The following PHACTR1 variants were observed in gnomAD, a reference collection of about 807,000 sequenced individuals.
PHACTR1 encodes the protein RPEL repeat containing 1.
A neutral mutation model predicts 69.2 loss-of-function variants in PHACTR1; 16 were observed. The observed-to-expected ratio is 0.23, with a 90% CI of 0.16 to 0.35. PHACTR1 has a LOEUF of 0.35. PHACTR1 is among the 10% of genes least tolerant of loss of function. PHACTR1 has a pLI of 1.00. For synonymous variants in PHACTR1, 312 were observed against 284.5 expected (o/e 1.10, Z -0.97); for missense variants, 510 against 734.7 (o/e 0.69, Z 3.54).
At chr6:12,919,492 C>T (rs542425373) in intron 4 of PHACTR1, among the ~76,000 whole-genome samples, 1 of 152,314 alleles carries the variant, frequency 6.6e-6, no homozygotes, top group East Asian at 1.9e-4. Context: ...GATGTGCACA[C>T]TGGTACTAAG....
At chr6:12,737,317 C>T (rs1241453064) in intron 3 of PHACTR1, among the ~76,000 whole-genome samples, 1 of 151,872 alleles carries the variant, frequency 6.6e-6, no homozygotes, top group African/African-American at 2.4e-5. Flanking sequence ...ATAGGACCAC[C>T]ATTGTATATG....
At chr6:13,196,693 A>G (rs1007481902) in intron 7 of PHACTR1, among the ~76,000 whole-genome samples, 2 of 152,190 alleles carry the variant, frequency 1.3e-5, no homozygotes, top group South Asian at 2.1e-4. Context: ...TACTGGGATT[A>G]CAGGCTTGAC....
At chr6:13,003,965 G>GTATATATATATATATATATATATGTATA (rs772804033) in intron 4 of PHACTR1, among the ~76,000 whole-genome samples, 24 of 96,310 alleles carry the variant, frequency 2.5e-4, no homozygotes, top group African/African-American at 1.4e-3. Flanking sequence ...ATATATATAT[G>GTATATATATATATATATATATATGTATA]TATATATATA....
At chr6:12,805,887 C>T (rs1057391928) in intron 4 of PHACTR1, among the ~76,000 whole-genome samples, 1 of 152,188 alleles carries the variant, frequency 6.6e-6, no homozygotes, top group East Asian at 1.9e-4. Flanking sequence ...GGGCGTGAGC[C>T]ACCATGCCCG....
intron 4 of PHACTR1, among the ~76,000 whole-genome samples, chr6:12,777,380 ATCC>A: frequency 6.6e-6 from 1 of 152,016 alleles, no homozygotes; most frequent in Middle Eastern, 3.4e-3. Flanking sequence ...TAGTTTTTCA[ATCC>A]TCAGCCTCCT....
chr6:12,881,055 G>A (rs1783044706), intron 4 of PHACTR1, among the ~76,000 whole-genome samples: 2 of 152,216 alleles, frequency 1.3e-5, no homozygotes, highest in African/African-American at 4.8e-5. Context: ...TAGTCTGGGC[G>A]AAGGTGTGTA....
intron 4 of PHACTR1, among the ~76,000 whole-genome samples, chr6:12,914,030 G>A (rs761399785): frequency 2.6e-5 from 4 of 151,970 alleles, no homozygotes; most frequent in Non-Finnish European, 5.9e-5. Context: ...GTGCAGTGGC[G>A]CAATTTCAGC....
chr6:13,240,761 A>G (rs1362432516), intron 10 of PHACTR1, among the ~76,000 whole-genome samples: 1 of 152,180 alleles, frequency 6.6e-6, no homozygotes, highest in African/African-American at 2.4e-5. Flanking sequence ...TATTTGGCTA[A>G]GTGAAAGAAG....
At chr6:13,209,406 A>G (rs1412534212) in intron 8 of PHACTR1, among the ~76,000 whole-genome samples, 1 of 152,218 alleles carries the variant, frequency 6.6e-6, no homozygotes, top group East Asian at 1.9e-4. Context: ...GCAAGAAGGG[A>G]GAGGCATTAC....
chr6:12,789,222 T>C (rs944421623), intron 4 of PHACTR1, among the ~76,000 whole-genome samples: 3 of 152,198 alleles, frequency 2.0e-5, no homozygotes, highest in Non-Finnish European at 4.4e-5. Flanking sequence ...ACACCTCATC[T>C]TACTTGGCTG....
intron 7 of PHACTR1, among the ~76,000 whole-genome samples, chr6:13,200,931 G>T (rs1163995800): frequency 7.3e-6 from 1 of 137,888 alleles, no homozygotes; most frequent in African/African-American, 2.7e-5. Context: ...CAACAAGAGC[G>T]AAACTCTGTC....
chr6:12,819,010 A>G (rs918986565), intron 4 of PHACTR1, among the ~76,000 whole-genome samples: 2 of 152,234 alleles, frequency 1.3e-5, no homozygotes, highest in Admixed American at 1.3e-4. Flanking sequence ...TGAAGCAAAC[A>G]AAACAACACT....
At chr6:13,232,852 A>T (rs1771440242) in intron 10 of PHACTR1, among the ~76,000 whole-genome samples, 1 of 152,228 alleles carries the variant, frequency 6.6e-6, no homozygotes, top group Non-Finnish European at 1.5e-5. Flanking sequence ...GAGAAGGAGC[A>T]GATCTTTTAT....
At chr6:13,240,469 G>A (rs1438523069) in intron 10 of PHACTR1, among the ~76,000 whole-genome samples, 1 of 151,858 alleles carries the variant, frequency 6.6e-6, no homozygotes, top group Admixed American at 6.6e-5. Context: ...TTTTGAGATG[G>A]AGTCTGACTT....
At chr6:13,048,502 G>A (rs7757960) in intron 4 of PHACTR1, among the ~76,000 whole-genome samples, 18,759 of 145,840 alleles carry the variant, frequency 0.13, 3,332 homozygotes, top group African/African-American at 0.4. Context: ...CCTGAGACCT[G>A]TTTTTTGGTT....
chr6:13,256,914 G>A (rs1775264660), intron 10 of PHACTR1, among the ~76,000 whole-genome samples: 1 of 152,222 alleles, frequency 6.6e-6, no homozygotes, highest in Non-Finnish European at 1.5e-5. Context: ...CCATTACCCA[G>A]TTCCAAAGTC....
intron 7 of PHACTR1, among the ~76,000 whole-genome samples, chr6:13,194,201 A>G (rs992633927): frequency 6.6e-6 from 1 of 152,120 alleles, no homozygotes; most frequent in Non-Finnish European, 1.5e-5. Context: ...TCAAGAGATC[A>G]AGACCATCCT....
At chr6:13,216,487 G>A (rs1583994936) in intron 8 of PHACTR1, among the ~76,000 whole-genome samples, 1 of 151,708 alleles carries the variant, frequency 6.6e-6, no homozygotes, top group East Asian at 1.9e-4. Flanking sequence ...GTGAAGTGGT[G>A]TTGCTTTGTA....
chr6:12,944,792 T>TTTA (rs1554172630), intron 4 of PHACTR1, among the ~76,000 whole-genome samples: 17 of 147,090 alleles, frequency 1.2e-4, no homozygotes, highest in African/African-American at 3.8e-4. Context: ...TATTTATTTT[T>TTTA]TTTTTTTTGA....
Sources: allele counts gnomAD v4.1 joint callset (sites outside exome capture counted in the v4.1 genomes callset), GRCh38; gene constraint gnomAD v4.1.1; transcripts MANE v1.5; gene names NCBI Gene and HGNC (gene_info 2026-07-23, HGNC 2026-07-21).